The following CYP19A1 variants were observed in gnomAD, a reference collection of about 807,000 sequenced individuals.
CYP19A1 encodes the protein cytochrome P450 family 19 subfamily A member 1.
A neutral mutation model predicts 44.4 loss-of-function variants in CYP19A1; 32 were observed. The ratio of observed to expected loss-of-function variants is 0.72; its 90% CI spans 0.54 to 0.97. The LOEUF (loss-of-function observed/expected upper bound fraction) is 0.97, where lower values mean the gene tolerates loss of function less well. Ranked by LOEUF, CYP19A1 falls within the 50% of genes least tolerant of loss-of-function variation. The pLI is 0.00. For synonymous variants in CYP19A1, 212 were observed against 215.6 expected (o/e 0.98, Z 0.14); for missense variants, 598 against 637.8 (o/e 0.94, Z 0.67).
intron 3 of CYP19A1, among the ~76,000 whole-genome samples, chr15:51,230,618 T>C (rs1367028883): frequency 2.8e-5 from 1 of 35,550 alleles, no homozygotes; most frequent in East Asian, 6.6e-4. Flanking sequence ...TGGTGCCTTC[T>C]TTTTTTTTTT....
chr15:51,255,025 T>C (rs1174067665), intron 1 of CYP19A1, among the ~76,000 whole-genome samples: 1 of 152,020 alleles, frequency 6.6e-6, no homozygotes, highest in Admixed American at 6.6e-5. Flanking sequence ...CAGAAAACCC[T>C]CCAGAACCTC....
At chr15:51,279,003 C>A (rs546770830) in intron 1 of CYP19A1, 13 of 152,266 alleles carry the variant, frequency 8.5e-5, no homozygotes, top group African/African-American at 3.1e-4. Context: ...AGGTAGGATG[C>A]AAGATCTTTG....
At chr15:51,283,430 C>A (rs1170461787) in intron 1 of CYP19A1, among the ~76,000 whole-genome samples, 1 of 152,146 alleles carries the variant, frequency 6.6e-6, no homozygotes, top group Non-Finnish European at 1.5e-5. Flanking sequence ...TGAAGTATGG[C>A]AATTTCCCAT....
At chr15:51,227,279 T>C (rs545465594) in intron 4 of CYP19A1, among the ~76,000 whole-genome samples, 1 of 152,204 alleles carries the variant, frequency 6.6e-6, no homozygotes, top group South Asian at 2.1e-4. Flanking sequence ...ATTTACCACA[T>C]GGGGCTGCCA....
chr15:51,315,098 T>C (rs1472146137), intron 1 of CYP19A1, among the ~76,000 whole-genome samples: 1 of 152,080 alleles, frequency 6.6e-6, no homozygotes, highest in Non-Finnish European at 1.5e-5. Flanking sequence ...GCCCTTTATC[T>C]CACTGGCCTT....
At chr15:51,323,505 T>G (rs1595785496) in intron 1 of CYP19A1, among the ~76,000 whole-genome samples, 1 of 152,200 alleles carries the variant, frequency 6.6e-6, no homozygotes, top group East Asian at 1.9e-4. Context: ...CTTTTTTTTT[T>G]TTTTCCAACC....
At chr15:51,270,581 A>G (rs895437490) in intron 1 of CYP19A1, among the ~76,000 whole-genome samples, 1 of 152,202 alleles carries the variant, frequency 6.6e-6, no homozygotes, top group East Asian at 1.9e-4. Context: ...CCCATATTTT[A>G]TAGGCATCTT....
intron 1 of CYP19A1, among the ~76,000 whole-genome samples, chr15:51,270,752 T>C (rs987194837): frequency 2.0e-5 from 3 of 152,340 alleles, no homozygotes; most frequent in South Asian, 2.1e-4. Context: ...CGTCTGACTC[T>C]AGAGTTCATG....
At chr15:51,331,705 T>C (rs1258813904) in intron 1 of CYP19A1, among the ~76,000 whole-genome samples, 1 of 152,186 alleles carries the variant, frequency 6.6e-6, no homozygotes, top group African/African-American at 2.4e-5. Context: ...TCACATTTGA[T>C]TTTTAACACA....
intron 3 of CYP19A1, among the ~76,000 whole-genome samples, chr15:51,228,230 C>T (rs2032756288): frequency 6.6e-6 from 1 of 152,178 alleles, no homozygotes; most frequent in African/African-American, 2.4e-5. Flanking sequence ...CAAAATACTA[C>T]CCACTACTGG....
At chr15:51,234,968 G>A (rs755376513) in intron 3 of CYP19A1, among the ~76,000 whole-genome samples, 1 of 152,172 alleles carries the variant, frequency 6.6e-6, no homozygotes, top group Non-Finnish European at 1.5e-5. Flanking sequence ...CCTGTCTGCT[G>A]AGGGAAAGAG....
intron 6 of CYP19A1, chr15:51,218,304 C>T: frequency 1.9e-6 from 1 of 513,134 alleles, no homozygotes; most frequent in Non-Finnish European, 3.4e-6. Flanking sequence ...TCCCAGACCA[C>T]ACACTCAGCC....
At chr15:51,305,237 C>G (rs986625167) in intron 1 of CYP19A1, among the ~76,000 whole-genome samples, 1 of 152,124 alleles carries the variant, frequency 6.6e-6, no homozygotes, top group African/African-American at 2.4e-5. Context: ...CACTCATGAG[C>G]ATCAATTCTT....
chr15:51,248,044 C>G (rs2034143712), intron 1 of CYP19A1, among the ~76,000 whole-genome samples: 1 of 152,160 alleles, frequency 6.6e-6, no homozygotes, highest in Non-Finnish European at 1.5e-5. Flanking sequence ...AAAAATTACC[C>G]TACCTCAAAC....
At chr15:51,267,561 C>G (rs933936959) in intron 1 of CYP19A1, among the ~76,000 whole-genome samples, 4 of 152,224 alleles carry the variant, frequency 2.6e-5, no homozygotes, top group Non-Finnish European at 5.9e-5. Flanking sequence ...GGCCACTGCC[C>G]AGGGCGGAGG....
At chr15:51,304,282 C>T (rs2036170834) in intron 1 of CYP19A1, among the ~76,000 whole-genome samples, 1 of 152,130 alleles carries the variant, frequency 6.6e-6, no homozygotes, top group Non-Finnish European at 1.5e-5. Flanking sequence ...AAGTGATACC[C>T]CTTATCTTGG....
intron 4 of CYP19A1, 95 bp downstream of exon 4, chr15:51,227,684 A>AAATAAAT (rs1284333561): frequency 5.9e-6 from 2 of 338,456 alleles, no homozygotes; most frequent in Non-Finnish European, 1.1e-5. Flanking sequence ...ATAAATAAAT[A>AAATAAAT]AATAAATAAA....
In CYP19A1 at chr15:51,211,028, C is replaced by T; in HGVS notation, c.1292G>A (p.Gly431Asp). 1 of 1,592,350 alleles carries T rather than the reference C, an allele frequency of 6.3e-7. No homozygotes were observed. Among genetic ancestry groups the T allele is most frequent in the Non-Finnish European group, 8.6e-7 (1 of 1,160,288 alleles). The change falls in exon 10 of 10, where the codon GGC becomes GAC. Residue 431 changes from glycine to aspartate, a missense_variant. Physicochemically the swap from Gly to Asp is moderately conservative, Grantham distance 94. Transcript: ENST00000396402. ...TCCTGCACAGCCACGGGGCCCAAAG[C>T]CAAATGGCTGAAAGTACCTATAAGG... ...NVPYRYFQPFGFGPRGCAGKY... is the reference protein window; with the variant it reads ...NVPYRYFQPFDFGPRGCAGKY...
intron 8 of CYP19A1, among the ~76,000 whole-genome samples, chr15:51,214,641 A>G (rs1282336056): frequency 6.6e-6 from 1 of 152,252 alleles, no homozygotes; most frequent in East Asian, 1.9e-4. Flanking sequence ...CAAGGTAGGC[A>G]GAACATTGTA....
Sources: gnomAD v4.1 joint callset for allele counts (sites outside exome capture counted in the v4.1 genomes callset) on GRCh38, gnomAD v4.1.1 for gene constraint, MANE v1.5 for transcripts, NCBI Gene and HGNC (gene_info 2026-07-23, HGNC 2026-07-21) for gene names.